The following DNAH9 variants were observed in gnomAD, a reference collection of about 807,000 sequenced individuals.
DNAH9 encodes the protein dynein axonemal heavy chain 9.
A neutral mutation model predicts 471.6 loss-of-function variants in DNAH9; 345 were observed. The ratio of observed to expected loss-of-function variants is 0.73; its 90% confidence interval spans 0.67 to 0.80. The LOEUF is 0.80. DNAH9 is among the 30% of genes least tolerant of loss of function. The pLI is 0.00. For synonymous variants in DNAH9, 2,093 were observed against 2,123.6 expected (o/e 0.99, Z 0.40); for missense variants, 5,407 against 5,609.2 (o/e 0.96, Z 1.15).
At chr17:11,646,171 G>T (rs1344237499) in intron 11 of DNAH9, among the ~76,000 whole-genome samples, 1 of 138,460 alleles carries the variant, frequency 7.2e-6, no homozygotes, top group Non-Finnish European at 1.6e-5. Context: ...GAGCCACCAC[G>T]CCTGGCTAAT....
At chr17:11,863,822 G>C (rs1453516417) in intron 50 of DNAH9, among the ~76,000 whole-genome samples, 1 of 150,854 alleles carries the variant, frequency 6.6e-6, no homozygotes, top group Non-Finnish European at 1.5e-5. Context: ...GGTGTTTGTA[G>C]TATTCTCTGA....
chr17:11,816,679 C>T (rs144971339), intron 45 of DNAH9, among the ~76,000 whole-genome samples: 3 of 152,204 alleles, frequency 2.0e-5, no homozygotes, highest in African/African-American at 7.2e-5. Context: ...AACTAAACCA[C>T]GTTAAATTAT....
chr17:11,787,369 CAT>C (rs1968911411), intron 41 of DNAH9, among the ~76,000 whole-genome samples: 1 of 152,212 alleles, frequency 6.6e-6, no homozygotes, highest in Admixed American at 6.5e-5. Context: ...CCTTTTAAGT[CAT>C]AGTTCACAAT....
rs61742881 is a variant in DNAH9 at position 11,690,140 on chromosome 17, C to T, written c.4318C>T (p.Leu1440=). 4.7e-3 allele frequency: 7,629 copies of T among 1,614,174 alleles called. 324 individuals are homozygous for T. The African/African-American group carries it at 0.086, about 18-fold the overall frequency. The change falls in exon 20 of 69, where the codon CTG becomes TTG. Residue 1440 remains leucine (L), a synonymous_variant. Coordinates refer to ENST00000262442, the MANE Select transcript of DNAH9 (RefSeq NM_001372.4). ...GGGTATGGAGAAAACCTTAAAGGAGCTGCAGACTACCTGGGCTGGCATGGA... is the reference window on the plus strand; with the variant it reads ...GGGTATGGAGAAAACCTTAAAGGAGTTGCAGACTACCTGGGCTGGCATGGA... ...EMGMEKTLKE[L]QTTWAGMEFQ...
intron 49 of DNAH9, among the ~76,000 whole-genome samples, chr17:11,842,404 G>C (rs1199990253): frequency 6.6e-6 from 1 of 152,116 alleles, no homozygotes; most frequent in Non-Finnish European, 1.5e-5. Flanking sequence ...TTCTCTAGAG[G>C]GACAGAACTA....
chr17:11,822,722 T>C lies in DNAH9; in HGVS notation c.9013-79T>C. ...CATAAGTTTCCACATGGTGGAGGAA[T>C]GGCTGGGGTGAGGGGTGAGCAGTTG... On this transcript the variant is annotated intron_variant, in intron 47 of 68. Coordinates refer to ENST00000262442, the MANE Select transcript of DNAH9 (RefSeq NM_001372.4). 4 of 1,586,996 alleles carry C rather than the reference T, an allele frequency of 2.5e-6. No individual in the cohort carries two copies. The Admixed American group carries it at 5.1e-5, about 20-fold the overall frequency.
chr17:11,619,658 G>A lies in DNAH9; in HGVS notation c.1227G>A (p.Gln409=), dbSNP rs1396347389. 1 of 1,613,982 alleles carries A rather than the reference G, an allele frequency of 6.2e-7. No homozygotes were observed. Among genetic ancestry groups the A allele is most frequent in the Admixed American group, 1.7e-5 (1 of 60,014 alleles). ...DTLSFFKQEF[Q]DRRENLHTYF... is the part of the protein sequence containing the mutation. ...TGAGCTTCTTCAAGCAAGAGTTTCA[G>A]GACAGAAGGGAGAATCTCCACACTT... The change falls in exon 6 of 69, where the codon CAG becomes CAA. Residue 409 remains glutamine, a synonymous_variant. Coordinates refer to ENST00000262442, the MANE Select transcript of DNAH9 (RefSeq NM_001372.4).
intron 7 of DNAH9, among the ~76,000 whole-genome samples, chr17:11,629,826 C>T (rs879267658): frequency 6.6e-6 from 1 of 152,174 alleles, no homozygotes; most frequent in Non-Finnish European, 1.5e-5. Flanking sequence ...GTTAACTGCT[C>T]CAGACTAATG....
intron 61 of DNAH9, among the ~76,000 whole-genome samples, chr17:11,917,530 T>G (rs1973996287): frequency 6.6e-6 from 1 of 152,204 alleles, no homozygotes. Context: ...TGATCAAGCC[T>G]TTAACAGAGC....
At chr17:11,698,392 TTATA>T (rs56992368) in intron 22 of DNAH9, among the ~76,000 whole-genome samples, 27 of 142,026 alleles carry the variant, frequency 1.9e-4, no homozygotes, top group Non-Finnish European at 3.2e-4. Context: ...ATTATATATT[TTATA>T]TATATATATG....
At chr17:11,631,204 A>T (rs555651027) in intron 7 of DNAH9, among the ~76,000 whole-genome samples, 1 of 152,300 alleles carries the variant, frequency 6.6e-6, no homozygotes, top group South Asian at 2.1e-4. Flanking sequence ...CATGGGAGAA[A>T]AAAAGAAGAA....
chr17:11,632,391 C>A (rs946467092), intron 7 of DNAH9, among the ~76,000 whole-genome samples, 196 bp from the exon 8 acceptor site: 8 of 152,140 alleles, frequency 5.3e-5, no homozygotes, highest in African/African-American at 1.9e-4. Flanking sequence ...CTTGCTGGAA[C>A]CCTCTAGGTA....
chr17:11,793,613 CT>C lies in DNAH9; in HGVS notation c.8175del (p.Phe2725LeufsTer53). On this transcript the variant is annotated frameshift_variant, in exon 42 of 69. Coordinates refer to ENST00000262442, the MANE Select transcript of DNAH9 (RefSeq NM_001372.4). LOFTEE classifies it high-confidence loss of function. ...YRDKMVEEKD[F>X]DLFDKIQTEV... Reference sequence around the variant, plus strand: ...GGGATAAGATGGTAGAAGAAAAGGACTTTGATCTTTTTGATAAAATCCAGAC... The same window carrying C: ...GGGATAAGATGGTAGAAGAAAAGGACTTGATCTTTTTGATAAAATCCAGAC... 1 of 1,613,372 alleles carries C rather than the reference CT, an allele frequency of 6.2e-7. No individual in the cohort carries two copies. The highest frequency in any genetic ancestry group is 8.5e-7 in the Non-Finnish European group (1 of 1,179,786).
At chr17:11,917,237 A>G (rs1285473670) in intron 61 of DNAH9, among the ~76,000 whole-genome samples, 3 of 150,962 alleles carry the variant, frequency 2.0e-5, no homozygotes, top group Non-Finnish European at 4.4e-5. Flanking sequence ...CACTGCAACA[A>G]CCTCCACCTC....
chr17:11,748,973 A>G (rs1967024424), intron 32 of DNAH9, among the ~76,000 whole-genome samples: 1 of 151,686 alleles, frequency 6.6e-6, no homozygotes, highest in Admixed American at 6.6e-5. Flanking sequence ...TTTTGCTGTT[A>G]ATGAGACTTA....
At chr17:11,715,819 G>A (rs2074949943) in intron 26 of DNAH9, among the ~76,000 whole-genome samples, 1 of 152,120 alleles carries the variant, frequency 6.6e-6, no homozygotes, top group Non-Finnish European at 1.5e-5. Flanking sequence ...ACTTCATAGT[G>A]AGGCAAGTTT....
At chr17:11,717,146 T>C (rs1228662661) in intron 26 of DNAH9, among the ~76,000 whole-genome samples, 1 of 152,210 alleles carries the variant, frequency 6.6e-6, no homozygotes, top group African/African-American at 2.4e-5. Context: ...TTGTGGCAGG[T>C]CTGAAGGGCA....
At chr17:11,726,495 C>T (rs971151005) in intron 27 of DNAH9, among the ~76,000 whole-genome samples, 11 of 152,124 alleles carry the variant, frequency 7.2e-5, no homozygotes, top group Admixed American at 7.2e-4. Context: ...TGTGGTTCCG[C>T]GGAATAAACT....
At chr17:11,927,031 T>C (rs188208173) in intron 62 of DNAH9, among the ~76,000 whole-genome samples, 1 of 152,364 alleles carries the variant, frequency 6.6e-6, no homozygotes, top group Admixed American at 6.5e-5. Flanking sequence ...TCTTTTCATA[T>C]GTTTGTTGGC....
Sources: allele counts gnomAD v4.1 joint callset (sites outside exome capture counted in the v4.1 genomes callset), GRCh38; gene constraint gnomAD v4.1.1; transcripts MANE v1.5; gene names NCBI Gene and HGNC (gene_info 2026-07-23, HGNC 2026-07-21).